The following CERS3 variants were observed in gnomAD, a reference collection of about 807,000 sequenced individuals.
CERS3 encodes LAG1 homolog, ceramide synthase 3.
CERS3 carries 33 observed loss-of-function variants against 50.3 expected under a neutral mutation model. The observed-to-expected ratio is 0.66, with a 90% CI of 0.50 to 0.88. The LOEUF is 0.88. Among genes scored for constraint, CERS3 ranks in the 40% least tolerant of loss-of-function variants. The pLI is 0.00. For missense variants in CERS3, 470 were observed against 460.3 expected (o/e 1.02, Z -0.19); for synonymous variants, 176 against 155.2 (o/e 1.13, Z -0.99).
chr15:100,476,848 G>A (rs530000580), intron 7 of CERS3, among the ~76,000 whole-genome samples: 139 of 152,136 alleles, frequency 9.1e-4, no homozygotes, highest in Non-Finnish European at 1.5e-3. Context: ...CTCCAACACT[G>A]ACTATGGACT....
At chr15:100,444,959 A>G (rs2033870844) in intron 11 of CERS3, among the ~76,000 whole-genome samples, 2 of 152,074 alleles carry the variant, frequency 1.3e-5, no homozygotes, top group South Asian at 4.2e-4. Context: ...GGTTCTTAGT[A>G]TTCAGTGAAA....
At chr15:100,413,581 G>A (rs2031656404) in intron 11 of CERS3, among the ~76,000 whole-genome samples, 1 of 151,384 alleles carries the variant, frequency 6.6e-6, no homozygotes, top group South Asian at 2.1e-4. Flanking sequence ...TTAGTAATCA[G>A]TAAAATGCAA....
At chr15:100,536,383 C>T (rs1398475897) in intron 1 of CERS3, among the ~76,000 whole-genome samples, 2 of 152,136 alleles carry the variant, frequency 1.3e-5, no homozygotes, top group African/African-American at 4.8e-5. Context: ...CTCCTGGGCT[C>T]AAGGGATCCT....
At chr15:100,539,932 G>C (rs2037160132) in intron 1 of CERS3, among the ~76,000 whole-genome samples, 1 of 152,146 alleles carries the variant, frequency 6.6e-6, no homozygotes, top group African/African-American at 2.4e-5. Context: ...TCCTGAGGGG[G>C]AGCTGTCCTC....
In CERS3 at chr15:100,434,458, A is replaced by T. The variant is rs538609648; in HGVS notation, c.999+21435T>A. 2.0e-5 allele frequency among the ~76,000 whole-genome samples: 3 copies of T among 152,338 alleles called. No homozygotes were observed. In the South Asian group the frequency reaches 6.2e-4, roughly 32 times the overall value. On this transcript the variant is annotated intron_variant, in intron 11 of 11. Coordinates refer to ENST00000679737, the MANE Select transcript of CERS3 (RefSeq NM_001378789.1). ...TCACTCAGGTGCTAAAGCCCACATG[A>T]TAAATCAAAATGAAAATGTTTGAAA...
chr15:100,513,152 A>G (rs1321587029), intron 2 of CERS3, among the ~76,000 whole-genome samples: 1 of 152,172 alleles, frequency 6.6e-6, no homozygotes, highest in Non-Finnish European at 1.5e-5. Context: ...GCTCTGTAAT[A>G]AAACTCCACA....
At chr15:100,431,754 G>A (rs934029531) in intron 11 of CERS3, among the ~76,000 whole-genome samples, 5 of 152,092 alleles carry the variant, frequency 3.3e-5, no homozygotes, top group Admixed American at 1.3e-4. Context: ...CCAGTGTCTC[G>A]ATCTCACCTC....
chr15:100,430,822 A>T (rs2033092884), intron 11 of CERS3, among the ~76,000 whole-genome samples: 1 of 152,180 alleles, frequency 6.6e-6, no homozygotes, highest in African/African-American at 2.4e-5. Context: ...AAAAAAACAA[A>T]TTGAGTTTTT....
At chr15:100,457,071 A>T (rs1018490954) in intron 10 of CERS3, among the ~76,000 whole-genome samples, 2 of 152,142 alleles carry the variant, frequency 1.3e-5, no homozygotes, top group African/African-American at 2.4e-5. Flanking sequence ...TATAGAAATA[A>T]TTTTTTTCAT....
chr15:100,405,056 G>T (rs1282577107), intron 11 of CERS3, among the ~76,000 whole-genome samples: 14 of 151,790 alleles, frequency 9.2e-5, no homozygotes, highest in Admixed American at 9.2e-4. Flanking sequence ...TCTTAAACAC[G>T]GCACTAAAAA....
At chr15:100,482,459 T>C (rs1277413180) in intron 5 of CERS3, among the ~76,000 whole-genome samples, 1 of 152,084 alleles carries the variant, frequency 6.6e-6, no homozygotes, top group Non-Finnish European at 1.5e-5. Flanking sequence ...TAAGGCCGCA[T>C]CCACCCAGCC....
In CERS3 at chr15:100,402,649, T is replaced by A; in HGVS notation, c.*64A>T. On this transcript the variant is annotated 3_prime_UTR_variant, in exon 12 of 12. Coordinates refer to ENST00000679737, the MANE Select transcript of CERS3 (RefSeq NM_001378789.1). The stretch of plus-strand genomic sequence containing the variant: ...CAGAATGTGGGGTCGGTGTGGGGCC[T>A]GGAAGCCAGGCTGCCAACAGTACTT... 6.4e-7 allele frequency: 1 copy of A among 1,550,554 alleles called. No individual in the cohort carries two copies. The highest frequency in any genetic ancestry group is 1.4e-5 in the African/African-American group (1 of 73,084).
intron 11 of CERS3, among the ~76,000 whole-genome samples, chr15:100,430,299 G>C (rs1025588392): frequency 1.3e-5 from 2 of 150,600 alleles, no homozygotes; most frequent in Non-Finnish European, 1.5e-5. Flanking sequence ...ACGACAGAGC[G>C]AGACTCCGTC....
chr15:100,524,529 A>G (rs2036731303), intron 1 of CERS3, among the ~76,000 whole-genome samples: 2 of 152,244 alleles, frequency 1.3e-5, no homozygotes, highest in Non-Finnish European at 2.9e-5. Flanking sequence ...GGAATAGCTC[A>G]TTATGAAACC....
At chr15:100,517,884 T>G (rs1310143210) in intron 2 of CERS3, among the ~76,000 whole-genome samples, 1 of 152,174 alleles carries the variant, frequency 6.6e-6, no homozygotes, top group Non-Finnish European at 1.5e-5. Flanking sequence ...CTCAACTGCT[T>G]TCTTCTCAGA....
At chr15:100,526,403 T>G (rs1387956092) in intron 1 of CERS3, among the ~76,000 whole-genome samples, 1 of 151,178 alleles carries the variant, frequency 6.6e-6, no homozygotes. Flanking sequence ...CCCAGCACCC[T>G]CCTCCCATGA....
In CERS3 at chr15:100,402,680, A is replaced by G; in HGVS notation, c.*33T>C. On this transcript the variant is annotated 3_prime_UTR_variant, in exon 12 of 12. Transcript: ENST00000679737. Reference sequence around the variant, plus strand: ...CCAGGCTGCCAACAGTACTTGCAGCATGCTGTGCCATGGGAGTCCTGTAGG... The same window carrying G: ...CCAGGCTGCCAACAGTACTTGCAGCGTGCTGTGCCATGGGAGTCCTGTAGG... The G allele has an allele frequency of 6.2e-7, 1 of 1,607,982 alleles. No individual in the cohort carries two copies. The highest frequency in any genetic ancestry group is 1.1e-5 in the South Asian group (1 of 90,352).
intron 11 of CERS3, among the ~76,000 whole-genome samples, chr15:100,436,144 A>G (rs2033392710): frequency 6.6e-6 from 1 of 152,244 alleles, no homozygotes; most frequent in South Asian, 2.1e-4. Flanking sequence ...AGGATTATAA[A>G]TAATTCTACT....
intron 11 of CERS3, among the ~76,000 whole-genome samples, chr15:100,423,820 C>T (rs1009593623): frequency 6.6e-6 from 1 of 152,178 alleles, no homozygotes; most frequent in African/African-American, 2.4e-5. Context: ...TTCCTCTTCA[C>T]CTTCCACCAT....
Sources: allele counts gnomAD v4.1 joint callset (sites outside exome capture counted in the v4.1 genomes callset), GRCh38; gene constraint gnomAD v4.1.1; transcripts MANE v1.5; gene names NCBI Gene and HGNC (gene_info 2026-07-23, HGNC 2026-07-21).